Variants in SANBR observed in about 807,000 individuals in gnomAD.
The protein encoded by SANBR is SANT and BTB domain regulator of class switch recombination.
A neutral mutation model predicts 101.8 loss-of-function variants in SANBR; 77 were observed. The observed-to-expected ratio is 0.76, with a 90% CI of 0.63 to 0.91. The LOEUF is 0.91. Among genes scored for constraint, SANBR ranks in the 40% least tolerant of loss-of-function variants. SANBR has a pLI of 0.00. For missense variants in SANBR, 875 were observed against 853.0 expected, an observed-to-expected ratio of 1.03 and a Z score of -0.32; for synonymous variants, 279 against 274.7, an observed-to-expected ratio of 1.02 and a Z score of -0.15.
chr2:61,094,551 A>C (rs771891876), intron 11 of SANBR, among the ~76,000 whole-genome samples: 3 of 151,676 alleles, frequency 2.0e-5, no homozygotes, highest in Non-Finnish European at 4.4e-5. Flanking sequence ...TCTAGTGTGG[A>C]GCCATTATGA....
In SANBR at chr2:61,083,282, T is replaced by C. The variant is rs371706132; in HGVS notation, c.858T>C (p.Asp286=). 6.2e-7 allele frequency: 1 copy of C among 1,608,808 alleles called. No individual in the cohort carries two copies. The highest frequency in any genetic ancestry group is 8.5e-7 in the Non-Finnish European group (1 of 1,176,256). The change falls in exon 8 of 22, where the codon GAT becomes GAC. Residue 286 remains aspartate, a synonymous_variant. Transcript: ENST00000402291. ...ATCTGTTCTCACACAATGAAGTTGA[T>C]GATTTAAAGGACAAAAAAGATAAAT... is the stretch of plus-strand genomic sequence containing the variant. ...IADLFSHNEV[D]DLKDKKDKFK...
chr2:61,111,570 G>C lies in SANBR; in HGVS notation c.1744+2274G>C, dbSNP rs183818433. On this transcript the variant is annotated intron_variant, in intron 16 of 21. Transcript: ENST00000402291. The stretch of plus-strand genomic sequence containing the variant: ...TGTTTCTTTTCAACAGTTTGATTGA[G>C]GTATAAGTTATATGTTACAAAATTC... 1.9e-3 allele frequency among the ~76,000 whole-genome samples: 285 copies of C among 152,274 alleles called. 2 individuals are homozygous for C. The highest frequency in any genetic ancestry group is 6.6e-3 in the African/African-American group (273 of 41,550).
intron 17 of SANBR, chr2:61,117,069 AAAT>A: frequency 2.4e-6 from 1 of 409,516 alleles, no homozygotes; most frequent in Non-Finnish European, 4.5e-6. Context: ...AAAAAAAAAA[AAAT>A]TGCATAAGCT....
intron 11 of SANBR, among the ~76,000 whole-genome samples, chr2:61,096,935 C>T (rs768415250): frequency 6.6e-6 from 1 of 152,194 alleles, no homozygotes; most frequent in Non-Finnish European, 1.5e-5. Flanking sequence ...AGGCGGATCA[C>T]CTGAGGTCAG....
intron 6 of SANBR, among the ~76,000 whole-genome samples, chr2:61,080,516 A>T (rs1285801378): frequency 6.6e-6 from 1 of 152,128 alleles, no homozygotes. Flanking sequence ...AGGTGAAGAG[A>T]TGGAGACCAT....
intron 8 of SANBR, among the ~76,000 whole-genome samples, chr2:61,086,654 T>G (rs1362302232): frequency 6.6e-6 from 1 of 152,220 alleles, no homozygotes; most frequent in African/African-American, 2.4e-5. Flanking sequence ...CAAGTGGATT[T>G]AGAAAACTTT....
At chr2:61,129,892 C>G (rs997305284) in intron 20 of SANBR, among the ~76,000 whole-genome samples, 4 of 151,932 alleles carry the variant, frequency 2.6e-5, no homozygotes, top group Admixed American at 2.6e-4. Context: ...CTTCCCTCAG[C>G]TTTTTAAAAA....
rs574457625 is a variant in SANBR, at chr2:61,072,801, C to G, written c.338-657C>G. Among the ~76,000 whole-genome samples the G allele has an allele frequency of 4.7e-5, 4 of 85,492 alleles. No individual in the cohort carries two copies. In the South Asian group the frequency reaches 1.4e-3, roughly 30 times the overall value. 56.1% of individuals were successfully genotyped at this position (85,492 alleles called of 152,430 possible). On this transcript the variant is annotated intron_variant, in intron 4 of 21. Transcript: ENST00000402291. The stretch of plus-strand genomic sequence containing the variant: ...TAATATTCCTTTTTCCTGAGAGACT[C>G]TTGCTTGTCTCTCATGTTACTTTTT...
intron 1 of SANBR, chr2:61,066,260 C>T: frequency 6.6e-6 from 1 of 152,568 alleles, no homozygotes; most frequent in Non-Finnish European, 1.5e-5. Context: ...CAGACCGTCC[C>T]GCCCGCGCAC....
chr2:61,114,175 T>C (rs554453685), intron 16 of SANBR, among the ~76,000 whole-genome samples: 4 of 152,294 alleles, frequency 2.6e-5, no homozygotes, highest in African/African-American at 7.2e-5. Flanking sequence ...GACACAGATA[T>C]TATGCTTGTC....
chr2:61,085,093 G>A (rs1317195097), intron 8 of SANBR, among the ~76,000 whole-genome samples: 7 of 152,096 alleles, frequency 4.6e-5, no homozygotes, highest in African/African-American at 1.4e-4. Context: ...CATTCAAGTG[G>A]GATGGCAAGT....
chr2:61,066,461 T>C (rs1681169933), intron 1 of SANBR: 1 of 152,614 alleles, frequency 6.6e-6, no homozygotes, highest in Admixed American at 6.5e-5. Context: ...GGCCCAAGGT[T>C]TGACTGGCTT....
chr2:61,098,248 C>T (rs1462815668), intron 12 of SANBR, among the ~76,000 whole-genome samples: 1 of 151,782 alleles, frequency 6.6e-6, no homozygotes, highest in East Asian at 1.9e-4. Flanking sequence ...GGACTACAGG[C>T]ACACGCCATC....
intron 13 of SANBR, among the ~76,000 whole-genome samples, chr2:61,105,873 T>C (rs1354730938): frequency 2.0e-5 from 3 of 151,934 alleles, no homozygotes; most frequent in Non-Finnish European, 2.9e-5. Context: ...GGTTTCGCCA[T>C]GTTGGCCAAT....
chr2:61,094,659 T>TTTC (rs1682939698), intron 11 of SANBR, among the ~76,000 whole-genome samples: 1 of 149,490 alleles, frequency 6.7e-6, no homozygotes, highest in African/African-American at 2.5e-5. Flanking sequence ...TTTTTTTTTT[T>TTTC]TGAGATGGAG....
At chr2:61,114,744 TCCCAAGGCTCAAGCAGTTCTCCCA>T (rs994839900) in intron 16 of SANBR, among the ~76,000 whole-genome samples, 1 of 152,122 alleles carries the variant, frequency 6.6e-6, no homozygotes, top group African/African-American at 2.4e-5. Flanking sequence ...AGCCTCGACC[TCCCAAGGCTCAAGCAGTTCTCCCA>T]CCCAAGCCTC....
At chr2:61,133,846 A>AATGT (rs2104995112) in intron 20 of SANBR, among the ~76,000 whole-genome samples, 1 of 152,272 alleles carries the variant, frequency 6.6e-6, no homozygotes, top group African/African-American at 2.4e-5. Context: ...AGGTGATGAA[A>AATGT]ATGTTCAAAA....
At position 61,092,387 on chromosome 2, in the gene SANBR, A is replaced by G. The variant is rs752313226; in HGVS notation, c.1089-77A>G. ...CAACAAGAGTGAAACTCCATCTCAA[A>G]GAAGATAATAATTAAATAAATAAAT... On this transcript the variant is annotated intron_variant, in intron 10 of 21. Transcript: ENST00000402291. 1.4e-5 allele frequency: 16 copies of G among 1,147,312 alleles called. No homozygotes were observed. In the Admixed American group the frequency reaches 3.4e-4, roughly 25 times the overall value. 71.1% of individuals were successfully genotyped at this position (1,147,312 alleles called of 1,614,324 possible).
intron 17 of SANBR, 98 bp from the exon 18 acceptor site, chr2:61,117,259 T>G: frequency 8.8e-7 from 1 of 1,140,648 alleles, no homozygotes; most frequent in Admixed American, 1.7e-5. Flanking sequence ...GTACAGTGTC[T>G]TCACACTCAG....
Sources: gnomAD v4.1 joint callset for allele counts (sites outside exome capture counted in the v4.1 genomes callset) on GRCh38, gnomAD v4.1.1 for gene constraint, MANE v1.5 for transcripts, NCBI Gene and HGNC (gene_info 2026-07-23, HGNC 2026-07-21) for gene names.